NEBL: variants seen among roughly 807,000 people sequenced by gnomAD.
The protein encoded by NEBL is nebulette, also known as LIM and SH3 protein 2.
A neutral mutation model predicts 140.2 loss-of-function variants in NEBL; 122 were observed. The observed-to-expected ratio is 0.87, with a 90% CI of 0.75 to 1.01. NEBL has a LOEUF of 1.01. NEBL is among the 50% of genes least tolerant of loss of function. The pLI is 0.00. For synonymous variants in NEBL, 436 were observed against 398.9 expected, an observed-to-expected ratio of 1.09 and a Z score of -1.11; for missense variants, 1,365 against 1,231.3, an observed-to-expected ratio of 1.11 and a Z score of -1.62.
In NEBL at chr10:20,905,156, A is replaced by C. The variant is rs183653141; in HGVS notation, c.357+56516T>G. Among the ~76,000 whole-genome samples the C allele has an allele frequency of 3.4e-4, 52 of 152,342 alleles. 1 individual carries two copies. In the East Asian group the frequency reaches 9.3e-3, roughly 27 times the overall value. Reference sequence around the variant, plus strand: ...AACAACCATTAGAACTATAACTTACACAAACACATGAAAAACTAGATGATT... The same window carrying C: ...AACAACCATTAGAACTATAACTTACCCAAACACATGAAAAACTAGATGATT... On this transcript the variant is annotated intron_variant, in intron 4 of 6. Transcript: ENST00000417816.
At chr10:21,096,488 AGTGTGTGTGTGT>A (rs10541564) in intron 2 of NEBL, among the ~76,000 whole-genome samples, 14 of 141,480 alleles carry the variant, frequency 9.9e-5, no homozygotes, top group Admixed American at 2.1e-4. Context: ...CTTGGTTTTG[AGTGTGTGTGTGT>A]GTGTGTGTGT....
At chr10:21,256,231 C>T (rs1304671074) in intron 1 of NEBL, among the ~76,000 whole-genome samples, 2 of 151,944 alleles carry the variant, frequency 1.3e-5, no homozygotes, top group East Asian at 3.9e-4. Flanking sequence ...CCATACCTGG[C>T]TAATTTTTGT....
At chr10:21,104,287 A>G (rs538443126) in intron 2 of NEBL, among the ~76,000 whole-genome samples, 35 of 152,350 alleles carry the variant, frequency 2.3e-4, no homozygotes, top group Non-Finnish European at 4.4e-4. Context: ...TGGAATTTCA[A>G]TTGAAATCAT....
chr10:21,189,495 C>A (rs1276479493), intron 3 of NEBL, among the ~76,000 whole-genome samples: 1 of 152,100 alleles, frequency 6.6e-6, no homozygotes, highest in Non-Finnish European at 1.5e-5. Context: ...GATGGAGTCT[C>A]ACTCTGTCTC....
chr10:20,828,795 G>A (rs1383700103), intron 16 of NEBL, among the ~76,000 whole-genome samples, 161 bp from the exon 17 acceptor site: 4 of 152,054 alleles, frequency 2.6e-5, no homozygotes, highest in Non-Finnish European at 1.5e-5. Flanking sequence ...TGGAGAGACA[G>A]AGATAGAATG....
At chr10:21,268,206 T>C (rs775770668) in intron 1 of NEBL, among the ~76,000 whole-genome samples, 1 of 152,108 alleles carries the variant, frequency 6.6e-6, no homozygotes, top group Non-Finnish European at 1.5e-5. Flanking sequence ...CGTGGGATTA[T>C]GCCTGTAATC....
chr10:21,272,118 A>ATTTTTTTTTTTTTTTTT (rs10678454), intron 1 of NEBL, among the ~76,000 whole-genome samples: 10 of 79,096 alleles, frequency 1.3e-4, no homozygotes, highest in Non-Finnish European at 2.1e-4. Context: ...CACTTGGTTA[A>ATTTTTTTTTTTTTTTTT]TTTTTTTTTT....
intron 2 of NEBL, among the ~76,000 whole-genome samples, chr10:21,163,973 A>C (rs1840658911): frequency 6.6e-6 from 1 of 152,222 alleles, no homozygotes; most frequent in Admixed American, 6.5e-5. Flanking sequence ...TTGCCACTTA[A>C]ACCTGGTCCT....
At chr10:20,807,546 G>T (rs879737748) in intron 26 of NEBL, among the ~76,000 whole-genome samples, 1 of 152,158 alleles carries the variant, frequency 6.6e-6, no homozygotes, top group Admixed American at 6.5e-5. Context: ...TCCCATTAGT[G>T]TTTCACTGTA....
At chr10:20,917,218 A>G (rs144564894) in intron 4 of NEBL, among the ~76,000 whole-genome samples, 210 of 152,342 alleles carry the variant, frequency 1.4e-3, no homozygotes, top group African/African-American at 4.7e-3. Context: ...CACCCAGCAT[A>G]CACACAAACA....
chr10:21,028,690 G>T (rs1833644330), intron 2 of NEBL, among the ~76,000 whole-genome samples: 1 of 151,282 alleles, frequency 6.6e-6, no homozygotes, highest in Admixed American at 6.6e-5. Flanking sequence ...ACAAAAAATG[G>T]AAATAAGATT....
intron 3 of NEBL, among the ~76,000 whole-genome samples, chr10:21,246,878 T>G (rs1050426589): frequency 1.3e-5 from 2 of 152,166 alleles, no homozygotes; most frequent in Non-Finnish European, 2.9e-5. Context: ...TGATATAGTT[T>G]GGCTCTGTGT....
intron 3 of NEBL, among the ~76,000 whole-genome samples, chr10:21,018,878 ATT>A (rs1838665765): frequency 6.6e-6 from 1 of 152,144 alleles, no homozygotes; most frequent in African/African-American, 2.4e-5. Context: ...AAATACAAAA[ATT>A]AGCCGGGTGT....
At chr10:21,215,874 T>C (rs957860247) in intron 3 of NEBL, among the ~76,000 whole-genome samples, 1 of 152,184 alleles carries the variant, frequency 6.6e-6, no homozygotes, top group Non-Finnish European at 1.5e-5. Flanking sequence ...TCTTGCCATG[T>C]TGCTCAGGCT....
Position 21,266,055 on chromosome 10 carries a change from G to A in NEBL, n.183-14227C>T, listed in dbSNP as rs1423631263. On this transcript the variant is annotated intron_variant and non_coding_transcript_variant, in intron 1 of 8. Coordinates refer to the NEBL transcript ENST00000675702. ...CACCTCTGGCTGCCCCTGCAGACCA[G>A]TGGAAAAGCCCCTCGATCCTGCTGC... Among the ~76,000 whole-genome samples the A allele has an allele frequency of 6.6e-5, 10 of 152,162 alleles. 1 individual carries two copies. The highest frequency in any genetic ancestry group is 6.6e-4 in the Admixed American group (10 of 15,264).
chr10:21,110,981 C>G (rs952372839), intron 2 of NEBL: 1 of 364,258 alleles, frequency 2.7e-6, no homozygotes, highest in Non-Finnish European at 5.3e-6. Context: ...CATGAGTGAA[C>G]TCCCATTCAC....
intron 2 of NEBL, chr10:21,113,438 G>C (rs1838141629): frequency 7.2e-6 from 3 of 415,432 alleles, no homozygotes; most frequent in East Asian, 7.2e-5. Context: ...TATGTGAAGA[G>C]TTGCTTCTGG....
Position 20,907,603 on chromosome 10 carries a change from A to G in NEBL, c.357+54069T>C, listed in dbSNP as rs1156498813. 4.6e-5 allele frequency among the ~76,000 whole-genome samples: 7 copies of G among 152,314 alleles called. No homozygotes were observed. The East Asian group carries it at 9.6e-4, about 21-fold the overall frequency. ...ACATTGGCTAGGTAAGTCCTTTTAA[A>G]CAATATTGTGAAGTAATGTCACCAG... On this transcript the variant is annotated intron_variant, in intron 4 of 6. Coordinates refer to the NEBL transcript ENST00000417816.
chr10:20,974,110 C>G (rs1397308377), intron 3 of NEBL, among the ~76,000 whole-genome samples: 1 of 152,204 alleles, frequency 6.6e-6, no homozygotes, highest in Non-Finnish European at 1.5e-5. Flanking sequence ...CCAGGACCAG[C>G]ATTGCCATCT....
Sources: gnomAD v4.1 joint callset for allele counts (sites outside exome capture counted in the v4.1 genomes callset) on GRCh38, gnomAD v4.1.1 for gene constraint, MANE v1.5 for transcripts, NCBI Gene and HGNC (gene_info 2026-07-23, HGNC 2026-07-21) for gene names.